Variants in ZBTB20 observed in about 807,000 individuals in gnomAD.
ZBTB20 encodes zinc finger and BTB domain-containing protein 20.
ZBTB20 carries 9 observed loss-of-function variants against 56.9 expected under a neutral mutation model. The ratio of observed to expected loss-of-function variants is 0.16; its 90% CI spans 0.10 to 0.28. The LOEUF is 0.28. Ranked by LOEUF, ZBTB20 falls within the 10% of genes least tolerant of loss-of-function variation. ZBTB20 has a pLI of 1.00. For synonymous variants in ZBTB20, 417 were observed against 420.7 expected, an observed-to-expected ratio of 0.99 and a Z score of 0.11; for missense variants, 655 against 1,003.0, an observed-to-expected ratio of 0.65 and a Z score of 4.69.
intron 4 of ZBTB20, among the ~76,000 whole-genome samples, chr3:114,812,883 AG>A (rs2072648648): frequency 6.6e-6 from 1 of 151,538 alleles, no homozygotes; most frequent in African/African-American, 2.4e-5. Flanking sequence ...TGAGCACAGC[AG>A]CTGCTGGCCC....
At position 115,078,656 on chromosome 3, in the gene ZBTB20, G is replaced by C. The variant is rs184716099; in HGVS notation, c.-702-7242C>G. ...ATATATATATGAAGAGTGAGAGAGA[G>C]AGTGGGGTAGATGATATGGGGGTTG... On this transcript the variant is annotated intron_variant, in intron 1 of 11. Transcript: ENST00000675478. 3.5e-3 allele frequency among the ~76,000 whole-genome samples: 518 copies of C among 149,480 alleles called. 3 individuals are homozygous for C. Among genetic ancestry groups the C allele is most frequent in the African/African-American group, 0.012 (491 of 40,718 alleles).
At chr3:114,734,002 T>C (rs558766731) in intron 5 of ZBTB20, among the ~76,000 whole-genome samples, 1 of 152,204 alleles carries the variant, frequency 6.6e-6, no homozygotes, top group African/African-American at 2.4e-5. Flanking sequence ...ACCCACAAGA[T>C]ACGGTATCCC....
rs558493128 is a variant in ZBTB20, at chr3:114,544,457, C to G, written c.-294-44066G>C. Among the ~76,000 whole-genome samples, 7 of 92,822 alleles carry G rather than the reference C, an allele frequency of 7.5e-5. No homozygotes were observed. In the South Asian group the frequency reaches 1.4e-3, roughly 19 times the overall value. 60.9% of individuals were successfully genotyped at this position (92,822 alleles called of 152,430 possible). A position where few individuals can be genotyped will look rare whatever the true frequency, so the allele number is the denominator to read the frequency against. ...TCTTTCTTTCTTTCTTTCTTTCTTT[C>G]TTTCTTTCTTTCTTTCTTTCTTTTT... On this transcript the variant is annotated intron_variant, in intron 6 of 11. Coordinates refer to ENST00000675478, the MANE Select transcript of ZBTB20 (RefSeq NM_001348800.3).
chr3:114,382,369 C>T (rs560586617), intron 8 of ZBTB20, among the ~76,000 whole-genome samples: 6 of 152,270 alleles, frequency 3.9e-5, no homozygotes, highest in African/African-American at 9.6e-5. Flanking sequence ...AGGTCAGTTC[C>T]GTATCTCTTC....
At chr3:114,630,742 A>C (rs1389381416) in intron 6 of ZBTB20, among the ~76,000 whole-genome samples, 2 of 152,194 alleles carry the variant, frequency 1.3e-5, no homozygotes, top group Non-Finnish European at 2.9e-5. Flanking sequence ...GCACCCTCAA[A>C]CCAGCTAGCA....
At chr3:114,694,434 C>T (rs967473591) in intron 5 of ZBTB20, among the ~76,000 whole-genome samples, 2 of 152,010 alleles carry the variant, frequency 1.3e-5, no homozygotes, top group Non-Finnish European at 2.9e-5. Context: ...AATATCACTA[C>T]CACAATGAAA....
At position 114,409,205 on chromosome 3, in the gene ZBTB20, T is replaced by C. The variant is rs1455239532; in HGVS notation, c.-254-20100A>G. Among the ~76,000 whole-genome samples, 3 of 145,296 alleles carry C rather than the reference T, an allele frequency of 2.1e-5. No homozygotes were observed. The Admixed American group carries it at 2.1e-4, about 10-fold the overall frequency. On this transcript the variant is annotated intron_variant, in intron 7 of 11. Coordinates refer to ENST00000675478, the MANE Select transcript of ZBTB20 (RefSeq NM_001348800.3). ...TGACGTGAATGTGAAAACTCCGTTC[T>C]GAAGATACCCTGGTGCTTTTACCCC...
In ZBTB20 at chr3:114,450,875, T is replaced by C. The variant is rs919585890; in HGVS notation, c.-255+49477A>G. Among the ~76,000 whole-genome samples, 116 of 152,234 alleles carry C rather than the reference T, an allele frequency of 7.6e-4. 1 individual carries two copies. The highest frequency in any genetic ancestry group is 2.6e-3 in the African/African-American group (110 of 41,554). On this transcript the variant is annotated intron_variant, in intron 7 of 11. Transcript: ENST00000675478. ...GTGGAAAAGAAGGCAATCATACCAA[T>C]TGATTAAATTTTGAGATATATAAAA...
intron 7 of ZBTB20, among the ~76,000 whole-genome samples, chr3:114,411,225 A>G (rs1487730145): frequency 2.0e-5 from 3 of 152,146 alleles, no homozygotes; most frequent in Non-Finnish European, 4.4e-5. Flanking sequence ...CACACCCTTC[A>G]ACAGCACAGA....
At chr3:115,011,961 T>TGTTC (rs914221227) in intron 2 of ZBTB20, among the ~76,000 whole-genome samples, 1 of 151,904 alleles carries the variant, frequency 6.6e-6, no homozygotes, top group Admixed American at 6.6e-5. Flanking sequence ...CCTGTTTGTT[T>TGTTC]GTTCATGCAA....
At chr3:114,750,829 T>G (rs924803391) in intron 5 of ZBTB20, among the ~76,000 whole-genome samples, 2 of 152,324 alleles carry the variant, frequency 1.3e-5, no homozygotes, top group African/African-American at 4.8e-5. Flanking sequence ...AGGGGTCACC[T>G]AAGAGTTTTC....
At chr3:114,714,932 C>T (rs1210873620) in intron 5 of ZBTB20, among the ~76,000 whole-genome samples, 1 of 152,194 alleles carries the variant, frequency 6.6e-6, no homozygotes, top group Non-Finnish European at 1.5e-5. Flanking sequence ...TTTGTTCTCA[C>T]ACCACTATAA....
chr3:114,412,197 C>T (rs1375845864), intron 7 of ZBTB20, among the ~76,000 whole-genome samples: 2 of 152,164 alleles, frequency 1.3e-5, no homozygotes, highest in Admixed American at 1.3e-4. Context: ...CTACAACTTA[C>T]TAACACCATT....
chr3:114,779,665 A>G (rs938083708), intron 5 of ZBTB20, among the ~76,000 whole-genome samples: 4 of 152,232 alleles, frequency 2.6e-5, no homozygotes, highest in Non-Finnish European at 4.4e-5. Flanking sequence ...TATAACAAAT[A>G]TAAGAGGATG....
chr3:114,837,450 G>A (rs1308387465), intron 4 of ZBTB20, among the ~76,000 whole-genome samples: 3 of 152,118 alleles, frequency 2.0e-5, no homozygotes, highest in Admixed American at 2.0e-4. Flanking sequence ...GTATAGGTAG[G>A]TGCCTATGGG....
chr3:114,613,862 A>G (rs1167139664), intron 6 of ZBTB20, among the ~76,000 whole-genome samples: 1 of 152,182 alleles, frequency 6.6e-6, no homozygotes, highest in African/African-American at 2.4e-5. Flanking sequence ...GATAATGGTA[A>G]TGATGATAAC....
intron 4 of ZBTB20, among the ~76,000 whole-genome samples, chr3:114,860,515 C>T (rs1486333835): frequency 1.3e-5 from 2 of 152,044 alleles, no homozygotes; most frequent in Non-Finnish European, 2.9e-5. Flanking sequence ...CAGAGATTTC[C>T]ATAGGCAGAA....
rs925915526 is a variant in ZBTB20 at position 114,336,926 on chromosome 3, G to A, written c.*2079C>T. 1 of 152,184 alleles carries A rather than the reference G, an allele frequency of 6.6e-6. No homozygotes were observed. Among genetic ancestry groups the A allele is most frequent in the East Asian group, 1.9e-4 (1 of 5,198 alleles). 9.4% of individuals were successfully genotyped at this position (152,184 alleles called of 1,614,324 possible). A position where few individuals can be genotyped will look rare whatever the true frequency, so the allele number is the denominator to read the frequency against. ...AAATCACTTTGGGAGTTTCAGCTAG[G>A]TTTAAGAATTCCTATATTTGAGCTG... is the stretch of plus-strand genomic sequence containing the variant. On this transcript the variant is annotated 3_prime_UTR_variant, in exon 12 of 12. Coordinates refer to ENST00000675478, the MANE Select transcript of ZBTB20 (RefSeq NM_001348800.3).
At chr3:114,468,080 A>G (rs1416520801) in intron 7 of ZBTB20, among the ~76,000 whole-genome samples, 1 of 152,164 alleles carries the variant, frequency 6.6e-6, no homozygotes, top group Non-Finnish European at 1.5e-5. Flanking sequence ...TAAAGTTTTG[A>G]ATATTTTTTT....
Sources: allele counts gnomAD v4.1 joint callset (sites outside exome capture counted in the v4.1 genomes callset), GRCh38; gene constraint gnomAD v4.1.1; transcripts MANE v1.5; gene names NCBI Gene and HGNC (gene_info 2026-07-23, HGNC 2026-07-21).